AHCYL2: variants seen among roughly 807,000 people sequenced by gnomAD.
AHCYL2 encodes adenosylhomocysteinase like 2, also known as S-adenosylhomocysteine hydrolase-like protein 2.
In AHCYL2, 28 loss-of-function variants were observed where a neutral mutation model predicts 81.4. The observed-to-expected ratio is 0.34, with a 90% confidence interval of 0.25 to 0.47. The LOEUF (loss-of-function observed/expected upper bound fraction) is 0.47. Ranked by LOEUF, AHCYL2 falls within the 20% of genes least tolerant of loss-of-function variation. The pLI, the probability that AHCYL2 is intolerant of heterozygous loss-of-function variation, is 1.00. For missense variants in AHCYL2, 551 were observed against 785.1 expected, an observed-to-expected ratio of 0.70 and a Z score of 3.56; for synonymous variants, 272 against 290.2, an observed-to-expected ratio of 0.94 and a Z score of 0.64.
At chr7:129,228,885 T>C (rs986994082) in intron 1 of AHCYL2, among the ~76,000 whole-genome samples, 11 of 152,204 alleles carry the variant, frequency 7.2e-5, no homozygotes, top group Admixed American at 6.5e-4. Flanking sequence ...TTGTCCTGAA[T>C]TGTTTAAGCT....
chr7:129,379,498 A>G (rs1380038181), intron 1 of AHCYL2, 140 bp from the exon 2 acceptor site: 1 of 622,402 alleles, frequency 1.6e-6, no homozygotes, highest in Non-Finnish European at 2.8e-6. Context: ...CTTATCTTCA[A>G]AGGGTCTTAA....
At chr7:129,282,230 T>G (rs1796470710) in intron 1 of AHCYL2, among the ~76,000 whole-genome samples, 1 of 152,176 alleles carries the variant, frequency 6.6e-6, no homozygotes, top group African/African-American at 2.4e-5. Flanking sequence ...TTTTTTGTTC[T>G]TATGGTTCAT....
At chr7:129,402,232 G>C (rs970507147) in intron 6 of AHCYL2, among the ~76,000 whole-genome samples, 1 of 152,166 alleles carries the variant, frequency 6.6e-6, no homozygotes, top group Non-Finnish European at 1.5e-5. Context: ...GTTTCTACTT[G>C]TAGTATGGAG....
chr7:129,397,202 C>G lies in AHCYL2; in HGVS notation c.721-20C>G. 6.2e-7 allele frequency: 1 copy of G among 1,608,008 alleles called. No homozygotes were observed. The highest frequency in any genetic ancestry group is 8.5e-7 in the Non-Finnish European group (1 of 1,177,142). On this transcript the variant is annotated intron_variant, in intron 4 of 16. Transcript: ENST00000325006. ...TGTTTGGCCCAGGCTTGCTCATACC[C>G]TGCTTTGTCTTTAATACAGGTGCTT...
At chr7:129,376,000 CTT>C (rs1408117646) in intron 1 of AHCYL2, 2 of 1,513,390 alleles carry the variant, frequency 1.3e-6, no homozygotes, top group African/African-American at 2.8e-5. Flanking sequence ...TGCTTATACT[CTT>C]TTTCCCCTCC....
chr7:129,386,402 G>A (rs143752468), intron 2 of AHCYL2, among the ~76,000 whole-genome samples: 47 of 152,068 alleles, frequency 3.1e-4, no homozygotes, highest in African/African-American at 8.9e-4. Flanking sequence ...GGCGGAGGTT[G>A]CAGTGAGCTG....
chr7:129,309,672 C>T (rs1334231334), intron 1 of AHCYL2, among the ~76,000 whole-genome samples: 2 of 152,206 alleles, frequency 1.3e-5, no homozygotes, highest in East Asian at 1.9e-4. Context: ...ATCAATTTTA[C>T]AGTCTGCCTT....
At chr7:129,350,083 G>A (rs1793503411) in intron 1 of AHCYL2, among the ~76,000 whole-genome samples, 2 of 152,110 alleles carry the variant, frequency 1.3e-5, no homozygotes, top group East Asian at 3.8e-4. Context: ...GCTTCAAAAG[G>A]CTTTATAGAA....
At chr7:129,271,626 C>G (rs990718024) in intron 1 of AHCYL2, among the ~76,000 whole-genome samples, 1 of 151,960 alleles carries the variant, frequency 6.6e-6, no homozygotes, top group South Asian at 2.1e-4. Context: ...AACCCGGGTG[C>G]GGGTAACATT....
chr7:129,263,231 G>A (rs1384476598), intron 1 of AHCYL2, among the ~76,000 whole-genome samples: 1 of 152,154 alleles, frequency 6.6e-6, no homozygotes, highest in Admixed American at 6.5e-5. Context: ...TTTGTTCCAA[G>A]ACTTAGGCTA....
At position 129,405,828 on chromosome 7, in the gene AHCYL2, T is replaced by TC. The variant is rs1563239969; in HGVS notation, c.1143-4dup. Reference sequence around the variant, plus strand: ...ATTTTTCTGATTTAATGTTTTTTTTTCCCCTAGACTTAAAAGGACAACAGA... The same window carrying TC: ...ATTTTTCTGATTTAATGTTTTTTTTTCCCCCTAGACTTAAAAGGACAACAGA... On this transcript the variant is annotated splice_polypyrimidine_tract_variant and splice_region_variant and intron_variant, in intron 8 of 16. Transcript: ENST00000325006. 2.5e-6 allele frequency: 4 copies of TC among 1,598,892 alleles called. No individual in the cohort carries two copies. Among genetic ancestry groups the TC allele is most frequent in the Admixed American group, 1.7e-5 (1 of 58,904 alleles).
intron 2 of AHCYL2, among the ~76,000 whole-genome samples, chr7:129,381,470 CTA>C (rs1487384587): frequency 1.3e-5 from 2 of 152,118 alleles, no homozygotes. Flanking sequence ...TTAGATTAAA[CTA>C]TATGAAATTA....
At chr7:129,375,663 C>A in intron 1 of AHCYL2, 1 of 1,380,510 alleles carries the variant, frequency 7.2e-7, no homozygotes, top group South Asian at 1.8e-5. Flanking sequence ...GAGCCACTAA[C>A]AGAAATGCCT....
rs1277989664 is a variant in AHCYL2, at chr7:129,225,162, C to T, written c.86C>T (p.Ser29Leu). 1 of 1,597,442 alleles carries T rather than the reference C, an allele frequency of 6.3e-7. No homozygotes were observed. The highest frequency in any genetic ancestry group is 8.5e-7 in the Non-Finnish European group (1 of 1,174,330). The change falls in exon 1 of 17, where the codon TCG becomes TTG. Residue 29 changes from serine to leucine, a missense_variant. Coordinates refer to ENST00000325006, the MANE Select transcript of AHCYL2 (RefSeq NM_015328.4). ...LKDLSPSEAE[S>L]QLGLSTAAVG... Reference sequence around the variant, plus strand: ...GACCTGAGCCCCTCCGAGGCGGAGTCGCAACTAGGACTGAGCACGGCCGCC... The same window carrying T: ...GACCTGAGCCCCTCCGAGGCGGAGTTGCAACTAGGACTGAGCACGGCCGCC...
At chr7:129,408,189 G>A (rs901252147) in intron 10 of AHCYL2, among the ~76,000 whole-genome samples, 4 of 152,242 alleles carry the variant, frequency 2.6e-5, no homozygotes, top group Middle Eastern at 6.8e-3. Flanking sequence ...GAAAGGAAGC[G>A]ACATGATCCA....
intron 1 of AHCYL2, among the ~76,000 whole-genome samples, chr7:129,281,409 A>G (rs553104014): frequency 4.0e-5 from 6 of 151,636 alleles, no homozygotes; most frequent in Non-Finnish European, 8.8e-5. Flanking sequence ...GTGTTCTAGA[A>G]GAGTTTTTAT....
At chr7:129,389,944 T>G (rs978508986) in intron 4 of AHCYL2, among the ~76,000 whole-genome samples, 1 of 152,198 alleles carries the variant, frequency 6.6e-6, no homozygotes, top group African/African-American at 2.4e-5. Context: ...TGTTTAAGGT[T>G]ATACAGCTAG....
chr7:129,336,871 T>C (rs1798620976), intron 1 of AHCYL2, among the ~76,000 whole-genome samples: 1 of 152,068 alleles, frequency 6.6e-6, no homozygotes, highest in Non-Finnish European at 1.5e-5. Flanking sequence ...CTCAGCCTCC[T>C]GAGTAGCTGG....
chr7:129,386,090 C>T (rs1795188202), intron 2 of AHCYL2, among the ~76,000 whole-genome samples: 1 of 152,140 alleles, frequency 6.6e-6, no homozygotes, highest in South Asian at 2.1e-4. Flanking sequence ...CTGGATCTGT[C>T]AGCCATGTCG....
Sources: allele counts gnomAD v4.1 joint callset (sites outside exome capture counted in the v4.1 genomes callset), GRCh38; gene constraint gnomAD v4.1.1; transcripts MANE v1.5; gene names NCBI Gene and HGNC (gene_info 2026-07-23, HGNC 2026-07-21).